Variants in CELF6 observed in about 807,000 individuals in gnomAD.
The protein encoded by CELF6 is CUGBP Elav-like family member 6.
A neutral mutation model predicts 53.1 loss-of-function variants in CELF6; 32 were observed. The ratio of observed to expected loss-of-function variants is 0.60; its 90% confidence interval spans 0.46 to 0.81. CELF6 has a LOEUF of 0.81. CELF6 is among the 30% of genes least tolerant of loss of function. CELF6 has a pLI of 0.00. For synonymous variants in CELF6, 291 were observed against 288.8 expected, an observed-to-expected ratio of 1.01 and a Z score of -0.08; for missense variants, 539 against 669.5, an observed-to-expected ratio of 0.81 and a Z score of 2.15.
At chr15:72,291,118 G>C (rs750375800) in intron 3 of CELF6, among the ~76,000 whole-genome samples, 4 of 152,178 alleles carry the variant, frequency 2.6e-5, no homozygotes, top group Admixed American at 6.5e-5. Context: ...CTATAGACCT[G>C]GATTGCCACC....
intron 3 of CELF6, among the ~76,000 whole-genome samples, chr15:72,303,936 C>A (rs1480389678): frequency 2.0e-5 from 3 of 152,148 alleles, no homozygotes; most frequent in Admixed American, 6.6e-5. Context: ...CGGCTCACTA[C>A]AACCTCCGCC....
In CELF6 at chr15:72,315,946, G is replaced by T. The variant is rs1445714238; in HGVS notation, c.263-19C>A. ...GCACAGCCTGAGGAGGAAGAGGCTG[G>T]CTCAGGGGGTTTCCTGAAACCCCCA... On this transcript the variant is annotated intron_variant, in intron 1 of 12. Transcript: ENST00000287202. The T allele has an allele frequency of 2.6e-6, 4 of 1,566,998 alleles. No individual in the cohort carries two copies. In the African/African-American group the frequency reaches 4.1e-5, roughly 16 times the overall value.
intron 2 of CELF6, among the ~76,000 whole-genome samples, chr15:72,310,912 T>C (rs1369008100): frequency 6.6e-6 from 1 of 152,200 alleles, no homozygotes; most frequent in Admixed American, 6.5e-5. Context: ...CTTGTGAGTC[T>C]TTCTTCCACT....
intron 3 of CELF6, among the ~76,000 whole-genome samples, chr15:72,304,308 G>A (rs919645898): frequency 6.6e-6 from 1 of 152,128 alleles, no homozygotes; most frequent in African/African-American, 2.4e-5. Context: ...TTTACCATGA[G>A]CAGCTAGGCA....
Position 72,287,287 on chromosome 15 carries a change from T to C in CELF6, c.1424A>G (p.Lys475Arg). 6.2e-7 allele frequency: 1 copy of C among 1,614,182 alleles called. No individual in the cohort carries two copies. Among genetic ancestry groups the C allele is most frequent in the Non-Finnish European group, 8.5e-7 (1 of 1,180,000 alleles). The stretch of plus-strand genomic sequence containing the variant: ...AGGTCAGTAAGGCCGGTTGGCATCC[T>C]TGGGCCGCTTTAGCTGGACCTTGAG... ...KRLKVQLKRP[K>R]DANRPY Residue 475 changes from lysine (K) to arginine (R), a missense_variant, in exon 12 of 13, where the codon AAG (lysine) becomes AGG (arginine). By Grantham distance (26) the Lys-to-Arg change is conservative (BLOSUM62 2). This residue lies in a region of CELF6 where 358 missense variants were observed against 412.8 expected (regional missense o/e 0.87). Transcript: ENST00000287202.
intron 3 of CELF6, among the ~76,000 whole-genome samples, chr15:72,299,114 A>G (rs2088117333): frequency 6.6e-6 from 1 of 151,868 alleles, no homozygotes. Context: ...AGGGTGAGGC[A>G]GGAGAATCTC....
At chr15:72,311,698 G>T (rs990028382) in intron 2 of CELF6, among the ~76,000 whole-genome samples, 1 of 152,068 alleles carries the variant, frequency 6.6e-6, no homozygotes, top group Non-Finnish European at 1.5e-5. Flanking sequence ...CACTGCACCC[G>T]GCCAATGAGA....
chr15:72,299,700 T>C (rs547673776), intron 3 of CELF6, among the ~76,000 whole-genome samples: 4 of 152,270 alleles, frequency 2.6e-5, no homozygotes, highest in Non-Finnish European at 5.9e-5. Flanking sequence ...ATTTAATGTA[T>C]GTTAGGAGAT....
At chr15:72,306,284 G>T in intron 2 of CELF6, 1 of 985,304 alleles carries the variant, frequency 1.0e-6, no homozygotes, top group Non-Finnish European at 1.2e-6. Context: ...AAAAACAGCG[G>T]CCTTCCCGTT....
chr15:72,288,678 C>T lies in CELF6; in HGVS notation c.1094-60G>A. The T allele has an allele frequency of 6.7e-7, 1 of 1,501,406 alleles. No individual in the cohort carries two copies. Among genetic ancestry groups the T allele is most frequent in the South Asian group, 1.3e-5 (1 of 79,070 alleles). The allele number at this position is 1,501,406 out of a possible 1,614,324, so 93.0% of individuals were successfully genotyped here. A position where few individuals can be genotyped will look rare whatever the true frequency, so the allele number is the denominator to read the frequency against. On this transcript the variant is annotated intron_variant, in intron 9 of 12. Coordinates refer to ENST00000287202, the MANE Select transcript of CELF6 (RefSeq NM_052840.5). This position sits in a 1 kb window ranked among gnomAD's most constrained non-coding sequence, Gnocchi z 4.6. Reference sequence around the variant, plus strand: ...AGGAGCCCTTCCCCAAGCAGGGCCCCAACTGCCTGGCCGCTTTTGACCAAT... The same window carrying T: ...AGGAGCCCTTCCCCAAGCAGGGCCCTAACTGCCTGGCCGCTTTTGACCAAT...
intron 3 of CELF6, 120 bp downstream of exon 3, chr15:72,304,626 C>T: frequency 1.2e-6 from 1 of 850,732 alleles, no homozygotes; most frequent in Admixed American, 2.1e-5. Flanking sequence ...AACTCTGAGC[C>T]CCACCTGTCC....
At chr15:72,301,769 C>T (rs989528321) in intron 3 of CELF6, among the ~76,000 whole-genome samples, 6 of 134,270 alleles carry the variant, frequency 4.5e-5, no homozygotes, top group African/African-American at 1.1e-4. Context: ...CAGAGTCTCA[C>T]TCTGTCACCC....
intron 3 of CELF6, among the ~76,000 whole-genome samples, chr15:72,298,888 A>G (rs1490333589): frequency 6.6e-6 from 1 of 152,144 alleles, no homozygotes; most frequent in Non-Finnish European, 1.5e-5. Flanking sequence ...CTGACCTCAT[A>G]TAATTTGTGG....
intron 3 of CELF6, among the ~76,000 whole-genome samples, chr15:72,294,151 C>A (rs1037843097): frequency 1.3e-5 from 2 of 152,218 alleles, no homozygotes; most frequent in African/African-American, 4.8e-5. Context: ...ATCCAGACTA[C>A]TTCTTCAGAA....
rs1281401127 is a variant in CELF6, at chr15:72,284,775, T to TCCACCC, written c.*1590_*1595dup. On this transcript the variant is annotated 3_prime_UTR_variant, in exon 13 of 13. Coordinates refer to ENST00000287202, the MANE Select transcript of CELF6 (RefSeq NM_052840.5). ...AGAAACTGTTATGAAGGAGGAGCCC[T>TCCACCC]CCACCCCCACCCCCACATCTTTTAC... 2 of 152,634 alleles carry TCCACCC rather than the reference T, an allele frequency of 1.3e-5. No homozygotes were observed. The highest frequency in any genetic ancestry group is 2.9e-5 in the Non-Finnish European group (2 of 68,046). 9.5% of individuals were successfully genotyped at this position (152,634 alleles called of 1,614,324 possible). A position where few individuals can be genotyped will look rare whatever the true frequency, so the allele number is the denominator to read the frequency against.
In CELF6 at chr15:72,289,707, T is replaced by C; in HGVS notation, c.667A>G (p.Met223Val). ...DTDRERALRRMQQMAGHLGAF... is the reference protein window; with the variant it reads ...DTDRERALRRVQQMAGHLGAF... Reference sequence around the variant, plus strand: ...CCCAGGTGGCCGGCCATCTGCTGCATCCGCCGCAGCGCGCGCTCCCGGTCG... The same window carrying C: ...CCCAGGTGGCCGGCCATCTGCTGCACCCGCCGCAGCGCGCGCTCCCGGTCG... The change falls in exon 6 of 13, where the codon ATG becomes GTG. Residue 223 changes from methionine to valine, a missense_variant. Coordinates refer to ENST00000287202, the MANE Select transcript of CELF6 (RefSeq NM_052840.5). This position sits in a 1 kb window ranked among gnomAD's most constrained non-coding sequence, Gnocchi z 7.6. The C allele has an allele frequency of 6.7e-7, 1 of 1,483,540 alleles. No homozygotes were observed. Among genetic ancestry groups the C allele is most frequent in the Non-Finnish European group, 8.9e-7 (1 of 1,126,450 alleles). 91.9% of individuals were successfully genotyped at this position (1,483,540 alleles called of 1,614,324 possible). A position where few individuals can be genotyped will look rare whatever the true frequency, so the allele number is the denominator to read the frequency against.
chr15:72,300,775 G>A (rs534782435), intron 3 of CELF6, among the ~76,000 whole-genome samples: 94 of 151,934 alleles, frequency 6.2e-4, no homozygotes, highest in Admixed American at 9.2e-4. Flanking sequence ...CAGAGGTTGC[G>A]TTGAGTGGAG....
intron 1 of CELF6, among the ~76,000 whole-genome samples, chr15:72,317,576 G>A (rs1450815027): frequency 6.6e-6 from 1 of 152,178 alleles, no homozygotes; most frequent in Non-Finnish European, 1.5e-5. Flanking sequence ...AAAGCACTGT[G>A]GCTGCCTGCC....
At chr15:72,301,445 G>A (rs978362973) in intron 3 of CELF6, among the ~76,000 whole-genome samples, 2 of 152,190 alleles carry the variant, frequency 1.3e-5, no homozygotes, top group African/African-American at 4.8e-5. Flanking sequence ...GGAAGAATAT[G>A]TTGGCCTTGA....
Sources: allele counts gnomAD v4.1 joint callset (sites outside exome capture counted in the v4.1 genomes callset), GRCh38; gene constraint gnomAD v4.1.1; regional missense constraint gnomAD v4.1.1; non-coding constraint Gnocchi (gnomAD v3.1); transcripts MANE v1.5; gene names NCBI Gene and HGNC (gene_info 2026-07-23, HGNC 2026-07-21).